Variants in ADCK1 observed in about 807,000 individuals in gnomAD.
ADCK1 encodes the protein aarF domain-containing protein kinase 1.
In ADCK1, 41 loss-of-function variants were observed where a neutral mutation model predicts 52.3. The ratio of observed to expected loss-of-function variants is 0.78; its 90% CI spans 0.61 to 1.02. The LOEUF (loss-of-function observed/expected upper bound fraction) is 1.02. Among genes scored for constraint, ADCK1 ranks in the 50% least tolerant of loss-of-function variants. The probability of loss-of-function intolerance (pLI) is 0.00; values close to 1 mark genes in which losing one functional copy is unlikely to be tolerated. For missense variants in ADCK1, 658 were observed against 679.5 expected (o/e 0.97, Z 0.35); for synonymous variants, 250 against 274.6 (o/e 0.91, Z 0.89).
At chr14:77,831,475 C>G (rs2081848030) in intron 3 of ADCK1, among the ~76,000 whole-genome samples, 1 of 152,192 alleles carries the variant, frequency 6.6e-6, no homozygotes, top group African/African-American at 2.4e-5. Flanking sequence ...ATCTTTACAT[C>G]TAACTTTGCT....
intron 3 of ADCK1, among the ~76,000 whole-genome samples, chr14:77,824,685 T>C (rs8009937): frequency 0.86 from 131,435 of 152,040 alleles, 56,976 homozygotes; most frequent in Middle Eastern, 0.93. Context: ...CCACCCACCT[T>C]GGCCTCCCAA....
At chr14:77,826,139 G>A (rs184790568) in intron 3 of ADCK1, among the ~76,000 whole-genome samples, 6 of 152,334 alleles carry the variant, frequency 3.9e-5, no homozygotes, top group African/African-American at 1.4e-4. Context: ...AGCACGTGGC[G>A]GCTGGCACCA....
chr14:77,914,833 C>A (rs2083880287), intron 7 of ADCK1, among the ~76,000 whole-genome samples: 1 of 152,196 alleles, frequency 6.6e-6, no homozygotes, highest in African/African-American at 2.4e-5. Flanking sequence ...TCCATAGAAT[C>A]TTCGAGAATC....
chr14:77,881,545 A>C (rs971206335), intron 4 of ADCK1, among the ~76,000 whole-genome samples: 1 of 152,262 alleles, frequency 6.6e-6, no homozygotes, highest in African/African-American at 2.4e-5. Context: ...TTATTTAGTT[A>C]ATTAATTAAT....
intron 3 of ADCK1, among the ~76,000 whole-genome samples, chr14:77,849,537 G>A (rs1448240831): frequency 3.9e-5 from 6 of 152,020 alleles, no homozygotes; most frequent in Non-Finnish European, 7.4e-5. Context: ...GACCTCCGGG[G>A]CTCAAGCAGT....
At chr14:77,857,008 A>C (rs964141482) in intron 3 of ADCK1, among the ~76,000 whole-genome samples, 1 of 151,442 alleles carries the variant, frequency 6.6e-6, no homozygotes, top group Non-Finnish European at 1.5e-5. Flanking sequence ...AGTCTAGCAA[A>C]GCTTGAAGTG....
rs2084405682 is a variant in ADCK1, at chr14:77,934,238, T to C, written c.*847T>C. The C allele has an allele frequency of 6.6e-6, 1 of 151,884 alleles. No homozygotes were observed. The highest frequency in any genetic ancestry group is 1.5e-5 in the Non-Finnish European group (1 of 68,076). 9.4% of individuals were successfully genotyped at this position (151,884 alleles called of 1,614,324 possible). ...TTGCTCCTGTAATCCTTCCAACCTG[T>C]GGGGCCACTTCCACTATGGGGCCAC... is the stretch of plus-strand genomic sequence containing the variant. On this transcript the variant is annotated 3_prime_UTR_variant, in exon 11 of 11. Coordinates refer to ENST00000238561, the MANE Select transcript of ADCK1 (RefSeq NM_020421.4).
chr14:77,924,094 A>T (rs1049500057), intron 7 of ADCK1: 2 of 169,570 alleles, frequency 1.2e-5, no homozygotes, highest in African/African-American at 4.9e-5. Flanking sequence ...TTTGGGGGGA[A>T]ATGGAGAAGG....
intron 3 of ADCK1, among the ~76,000 whole-genome samples, chr14:77,854,342 A>C (rs1227328593): frequency 6.6e-6 from 1 of 152,186 alleles, no homozygotes; most frequent in Non-Finnish European, 1.5e-5. Flanking sequence ...AAGGAGATAC[A>C]CATTTGTGTG....
intron 3 of ADCK1, among the ~76,000 whole-genome samples, chr14:77,841,848 T>TAAAA (rs59818962): frequency 3.6e-5 from 4 of 109,656 alleles, no homozygotes; most frequent in Non-Finnish European, 7.0e-5. Context: ...TGACACTCTT[T>TAAAA]AAAAAAAAAA....
chr14:77,811,161 GAGCTGATAGGC>G (rs1341622202), intron 1 of ADCK1, among the ~76,000 whole-genome samples: 2 of 151,928 alleles, frequency 1.3e-5, no homozygotes, highest in Admixed American at 6.6e-5. Flanking sequence ...ATTCCTCTGG[GAGCTGATAGGC>G]AGGGGAGCAT....
intron 3 of ADCK1, chr14:77,828,110 G>A (rs1017262697): frequency 1.6e-5 from 3 of 187,586 alleles, no homozygotes; most frequent in South Asian, 1.7e-4. Context: ...TTACAGGCAT[G>A]AGCCACTGCG....
intron 4 of ADCK1, among the ~76,000 whole-genome samples, chr14:77,864,187 A>G (rs910260892): frequency 6.6e-6 from 1 of 152,086 alleles, no homozygotes; most frequent in African/African-American, 2.4e-5. Flanking sequence ...AATGAAGGAG[A>G]GAGAAGGTGC....
At chr14:77,833,790 G>GTA (rs2081906538) in intron 3 of ADCK1, among the ~76,000 whole-genome samples, 1 of 152,282 alleles carries the variant, frequency 6.6e-6, no homozygotes, top group African/African-American at 2.4e-5. Flanking sequence ...GGCTCACTGT[G>GTA]TAGTGGCTTC....
intron 3 of ADCK1, among the ~76,000 whole-genome samples, chr14:77,831,048 T>C (rs1002288104): frequency 2.6e-5 from 4 of 152,102 alleles, no homozygotes; most frequent in Non-Finnish European, 4.4e-5. Context: ...AGCATATAGT[T>C]TGGGGTCTGG....
intron 7 of ADCK1, among the ~76,000 whole-genome samples, chr14:77,917,219 C>T (rs537701058): frequency 1.3e-5 from 2 of 151,980 alleles, no homozygotes; most frequent in South Asian, 2.1e-4. Flanking sequence ...AGTGAGACCC[C>T]GTATTTTTTT....
chr14:77,931,104 C>T (rs1159691018), intron 9 of ADCK1, among the ~76,000 whole-genome samples: 1 of 152,104 alleles, frequency 6.6e-6, no homozygotes, highest in East Asian at 1.9e-4. Flanking sequence ...GGCTATGGGG[C>T]AGGACTTTGG....
chr14:77,889,476 C>G (rs7149911), intron 5 of ADCK1, among the ~76,000 whole-genome samples: 1 of 151,930 alleles, frequency 6.6e-6, no homozygotes, highest in African/African-American at 2.4e-5. Context: ...CAGGGTACAG[C>G]TGGGGAAAAT....
chr14:77,933,114 C>A, intron 10 of ADCK1, 106 bp from the exon 11 acceptor site: 2 of 1,177,280 alleles, frequency 1.7e-6, no homozygotes, highest in South Asian at 1.5e-5. Context: ...GGGCAGGGAG[C>A]TGGTGAGTTG....
Sources: allele counts gnomAD v4.1 joint callset (sites outside exome capture counted in the v4.1 genomes callset), GRCh38; gene constraint gnomAD v4.1.1; transcripts MANE v1.5; gene names NCBI Gene and HGNC (gene_info 2026-07-23, HGNC 2026-07-21).